CDH12: variants seen among roughly 807,000 people sequenced by gnomAD.
The protein encoded by CDH12 is cadherin-12.
CDH12 carries 41 observed loss-of-function variants against 74.1 expected under a neutral mutation model. The ratio of observed to expected loss-of-function variants is 0.55; its 90% CI spans 0.43 to 0.72. CDH12 has a LOEUF of 0.72. CDH12 is among the 30% of genes least tolerant of loss of function. The pLI is 0.00. For synonymous variants in CDH12, 399 were observed against 355.0 expected, an observed-to-expected ratio of 1.12 and a Z score of -1.39; for missense variants, 945 against 977.2, an observed-to-expected ratio of 0.97 and a Z score of 0.44.
intron 5 of CDH12, among the ~76,000 whole-genome samples, chr5:22,035,159 A>C (rs1739082751): frequency 6.6e-6 from 1 of 151,380 alleles, no homozygotes; most frequent in African/African-American, 2.5e-5. Context: ...TAATTTGCTG[A>C]TATTTCAGTC....
intron 5 of CDH12, among the ~76,000 whole-genome samples, chr5:22,057,811 G>C (rs766462134): frequency 5.9e-5 from 9 of 152,226 alleles, no homozygotes; most frequent in Middle Eastern, 6.8e-3. Context: ...AGATCTATTT[G>C]CTTACAGGCA....
chr5:22,348,311 A>G (rs1740211757), intron 3 of CDH12, among the ~76,000 whole-genome samples: 1 of 152,224 alleles, frequency 6.6e-6, no homozygotes, highest in Non-Finnish European at 1.5e-5. Flanking sequence ...TAGTGGTAGC[A>G]GAGAGGTTAT....
Position 22,595,709 on chromosome 5 carries a change from A to G in CDH12, c.-522-90345T>C, listed in dbSNP as rs138209754. 4.9e-3 allele frequency among the ~76,000 whole-genome samples: 739 copies of G among 152,206 alleles called. 6 individuals are homozygous for G. The highest frequency in any genetic ancestry group is 0.017 in the African/African-American group (695 of 41,536). On this transcript the variant is annotated intron_variant, in intron 1 of 14. Coordinates refer to ENST00000382254, the MANE Select transcript of CDH12 (RefSeq NM_004061.5). ...GTAGTCTTCATCTTCAATATCCACC[A>G]CTACATTTAAACTGTGAATCCCATA...
intron 3 of CDH12, among the ~76,000 whole-genome samples, chr5:22,241,538 G>T (rs937537100): frequency 1.3e-4 from 20 of 151,786 alleles, no homozygotes; most frequent in African/African-American, 4.1e-4. Flanking sequence ...TTTTTAAAAA[G>T]AAAAAATAGT....
intron 1 of CDH12, among the ~76,000 whole-genome samples, chr5:22,564,535 T>C (rs886161764): frequency 1.3e-5 from 2 of 152,344 alleles, no homozygotes; most frequent in East Asian, 1.9e-4. Flanking sequence ...GCATTTCCTC[T>C]TTTTGTGTGT....
At chr5:22,456,107 T>TTATATATATATATATATATATA (rs36020133) in intron 2 of CDH12, among the ~76,000 whole-genome samples, 19 of 147,806 alleles carry the variant, frequency 1.3e-4, no homozygotes, top group African/African-American at 4.5e-4. Flanking sequence ...CATGTGGATA[T>TTATATATATATATATATATATA]TATATATATA....
intron 5 of CDH12, among the ~76,000 whole-genome samples, chr5:22,060,482 A>T (rs2150205364): frequency 6.6e-6 from 1 of 152,260 alleles, no homozygotes; most frequent in South Asian, 2.1e-4. Context: ...ACTTCAAGTA[A>T]AATAAATAAA....
chr5:22,562,028 T>C (rs1187496451), intron 1 of CDH12, among the ~76,000 whole-genome samples: 1 of 152,118 alleles, frequency 6.6e-6, no homozygotes, highest in Admixed American at 6.5e-5. Flanking sequence ...AATTTAAACA[T>C]ACATAGAGGC....
chr5:22,244,982 T>C (rs1018272556), intron 3 of CDH12, among the ~76,000 whole-genome samples: 1 of 151,976 alleles, frequency 6.6e-6, no homozygotes, highest in South Asian at 2.1e-4. Context: ...GAAGAGTCAG[T>C]GAAGGGACCT....
intron 4 of CDH12, among the ~76,000 whole-genome samples, chr5:22,132,767 G>C (rs1746245283): frequency 6.6e-6 from 1 of 152,048 alleles, no homozygotes; most frequent in African/African-American, 2.4e-5. Context: ...GAAGGAGTGA[G>C]GGAGTCTCAG....
intron 3 of CDH12, among the ~76,000 whole-genome samples, chr5:22,323,054 G>A (rs2968392): frequency 0.054 from 8,167 of 152,178 alleles, 509 homozygotes; most frequent in African/African-American, 0.15. Context: ...TTTTAGGCAA[G>A]AGAAAATTGC....
intron 1 of CDH12, among the ~76,000 whole-genome samples, chr5:22,566,241 CTT>C (rs937479137): frequency 1.5e-4 from 21 of 141,924 alleles, no homozygotes; most frequent in African/African-American, 2.1e-4. Context: ...TTTTTTCTTT[CTT>C]TTTTTTTTTT....
chr5:21,770,362 G>A (rs546614764), intron 11 of CDH12, among the ~76,000 whole-genome samples: 4 of 152,046 alleles, frequency 2.6e-5, no homozygotes, highest in South Asian at 2.1e-4. Context: ...GGTGGCTCAC[G>A]CCTGTAATCT....
At chr5:21,882,642 C>G (rs1752417224) in intron 6 of CDH12, 1 of 1,604,868 alleles carries the variant, frequency 6.2e-7, no homozygotes, top group Non-Finnish European at 8.5e-7. Flanking sequence ...AGGGTACTGG[C>G]TCCTCATCTC....
intron 4 of CDH12, among the ~76,000 whole-genome samples, chr5:22,097,761 C>T (rs1035485874): frequency 3.3e-5 from 5 of 152,050 alleles, no homozygotes; most frequent in South Asian, 2.1e-4. Flanking sequence ...CCCTCCTTAG[C>T]GACCGATCAT....
chr5:22,289,641 A>G (rs1435046975), intron 3 of CDH12, among the ~76,000 whole-genome samples: 1 of 152,182 alleles, frequency 6.6e-6, no homozygotes, highest in Non-Finnish European at 1.5e-5. Context: ...TGGTTGTAGC[A>G]CAATAATGAA....
intron 1 of CDH12, among the ~76,000 whole-genome samples, chr5:22,635,973 A>G (rs1260975985): frequency 2.6e-5 from 4 of 151,942 alleles, no homozygotes; most frequent in African/African-American, 9.6e-5. Context: ...AATATTATAC[A>G]GTAATATTAT....
chr5:22,316,653 C>A lies in CDH12; in HGVS notation c.-333+88604G>T, dbSNP rs151243085. On this transcript the variant is annotated intron_variant, in intron 3 of 14. Coordinates refer to ENST00000382254, the MANE Select transcript of CDH12 (RefSeq NM_004061.5). ...GAGATTCCAAAATTGTATCTATACCCATAATACCCTATGATTCTAACCCTA... is the reference window on the plus strand; with the variant it reads ...GAGATTCCAAAATTGTATCTATACCAATAATACCCTATGATTCTAACCCTA... Among the ~76,000 whole-genome samples, 29 of 152,102 alleles carry A rather than the reference C, an allele frequency of 1.9e-4. No individual in the cohort carries two copies. The East Asian group carries it at 5.4e-3, about 28-fold the overall frequency.
chr5:22,630,133 CAGTGCTCATGGATAGGT>C (rs1445221729), intron 1 of CDH12, among the ~76,000 whole-genome samples: 5 of 152,066 alleles, frequency 3.3e-5, no homozygotes, highest in Non-Finnish European at 5.9e-5. Flanking sequence ...GAAAAACATT[CAGTGCTCATGGATAGGT>C]AGAAGCAATA....
Sources: gnomAD v4.1 joint callset for allele counts (sites outside exome capture counted in the v4.1 genomes callset) on GRCh38, gnomAD v4.1.1 for gene constraint, MANE v1.5 for transcripts, NCBI Gene and HGNC (gene_info 2026-07-23, HGNC 2026-07-21) for gene names.